The following SYN2 variants were observed in gnomAD, a reference collection of about 807,000 sequenced individuals.
SYN2 encodes the protein synapsin-2.
Under a neutral mutation model 50.9 loss-of-function variants are expected in SYN2, and 19 were observed. The ratio of observed to expected loss-of-function variants is 0.37; its 90% CI spans 0.26 to 0.55. The LOEUF is 0.55. SYN2 is among the 20% of genes least tolerant of loss of function. The probability of loss-of-function intolerance (pLI) is 0.81; values close to 1 mark genes in which losing one functional copy is unlikely to be tolerated. For missense variants in SYN2, 587 were observed against 576.4 expected (o/e 1.02, Z -0.19); for synonymous variants, 255 against 224.9 (o/e 1.13, Z -1.20).
chr3:12,159,522 C>A (rs1282278167), intron 5 of SYN2, among the ~76,000 whole-genome samples: 8 of 152,074 alleles, frequency 5.3e-5, no homozygotes, highest in African/African-American at 1.9e-4. Flanking sequence ...GGAGAGATGT[C>A]AAAGAAGCAG....
chr3:12,099,361 G>A (rs1696016839), intron 1 of SYN2, among the ~76,000 whole-genome samples: 1 of 152,078 alleles, frequency 6.6e-6, no homozygotes, highest in Non-Finnish European at 1.5e-5. Context: ...TACAAAATAT[G>A]TTCTCCAACT....
intron 1 of SYN2, among the ~76,000 whole-genome samples, chr3:12,043,736 G>A (rs982494133): frequency 6.6e-6 from 1 of 152,120 alleles, no homozygotes; most frequent in Non-Finnish European, 1.5e-5. Context: ...TCAAAGGAGG[G>A]CCAGACATAT....
At chr3:12,114,434 T>G (rs1428302901) in intron 1 of SYN2, among the ~76,000 whole-genome samples, 1 of 152,092 alleles carries the variant, frequency 6.6e-6, no homozygotes, top group Non-Finnish European at 1.5e-5. Flanking sequence ...ATGCCCAGAG[T>G]TTTTACTCTT....
At chr3:12,028,291 T>C (rs1363964903) in intron 1 of SYN2, among the ~76,000 whole-genome samples, 1 of 151,834 alleles carries the variant, frequency 6.6e-6, no homozygotes, top group African/African-American at 2.4e-5. Flanking sequence ...GACATTTCGG[T>C]TGGTTCCAAG....
At chr3:12,009,849 C>T (rs1693879094) in intron 1 of SYN2, among the ~76,000 whole-genome samples, 1 of 152,132 alleles carries the variant, frequency 6.6e-6, no homozygotes, top group African/African-American at 2.4e-5. Context: ...GCCTGTAATC[C>T]TAGCACTTTG....
intron 1 of SYN2, among the ~76,000 whole-genome samples, chr3:12,013,366 C>T (rs1693956282): frequency 6.6e-6 from 1 of 152,160 alleles, no homozygotes; most frequent in Non-Finnish European, 1.5e-5. Context: ...TCCTCCGGGC[C>T]CCCTTTTCCT....
At chr3:12,090,197 C>A (rs139621598) in intron 1 of SYN2, among the ~76,000 whole-genome samples, 9 of 152,206 alleles carry the variant, frequency 5.9e-5, no homozygotes, top group Non-Finnish European at 1.0e-4. Context: ...CTTAAGAAAT[C>A]CACACCCAGA....
At chr3:12,066,894 C>T (rs1342874251) in intron 1 of SYN2, among the ~76,000 whole-genome samples, 1 of 152,106 alleles carries the variant, frequency 6.6e-6, no homozygotes, top group Non-Finnish European at 1.5e-5. Flanking sequence ...CACTTCTCGG[C>T]CTTTTGACTA....
chr3:12,118,142 G>A (rs1241549392), intron 1 of SYN2, among the ~76,000 whole-genome samples: 2 of 152,224 alleles, frequency 1.3e-5, no homozygotes, highest in African/African-American at 4.8e-5. Context: ...ATGAGCAAAT[G>A]TACCTCTTTT....
chr3:12,169,944 C>T (rs1203123055), intron 10 of SYN2, 38 bp downstream of exon 10: 5 of 1,565,486 alleles, frequency 3.2e-6, no homozygotes, highest in Non-Finnish European at 3.5e-6. Context: ...AGCCAAGAAC[C>T]ATTCCCAAGC....
At chr3:12,186,632 G>T (rs1304784704) in intron 11 of SYN2, among the ~76,000 whole-genome samples, 1 of 152,198 alleles carries the variant, frequency 6.6e-6, no homozygotes, top group African/African-American at 2.4e-5. Flanking sequence ...ATTTCTCCTG[G>T]TTGTGGGCAT....
chr3:12,057,321 G>GTGTGTGTGTGTGTGTA (rs1215713756), intron 1 of SYN2, among the ~76,000 whole-genome samples: 10 of 150,098 alleles, frequency 6.7e-5, no homozygotes, highest in African/African-American at 2.4e-4. Context: ...GTGTGTGTGT[G>GTGTGTGTGTGTGTGTA]TGTATACTTT....
intron 1 of SYN2, among the ~76,000 whole-genome samples, chr3:12,026,414 T>A (rs932494886): frequency 1.3e-5 from 2 of 151,798 alleles, no homozygotes; most frequent in Non-Finnish European, 2.9e-5. Context: ...TTTAAAAAAA[T>A]ATATATACAA....
chr3:12,189,038 G>C (rs568159496), intron 12 of SYN2, among the ~76,000 whole-genome samples: 24 of 152,340 alleles, frequency 1.6e-4, no homozygotes, highest in African/African-American at 4.8e-4. Flanking sequence ...CTCGTTCCCA[G>C]CCCTAATGAA....
intron 4 of SYN2, among the ~76,000 whole-genome samples, chr3:12,146,213 C>T (rs1019982965): frequency 1.3e-5 from 2 of 152,214 alleles, no homozygotes; most frequent in Admixed American, 1.3e-4. Flanking sequence ...TTTCTTGCCT[C>T]CTAGAATGAT....
At chr3:12,118,350 G>A (rs1031275303) in intron 1 of SYN2, among the ~76,000 whole-genome samples, 1 of 152,160 alleles carries the variant, frequency 6.6e-6, no homozygotes, top group African/African-American at 2.4e-5. Flanking sequence ...GATTGCTAGA[G>A]CCCAGAGTTT....
chr3:12,126,062 G>C (rs1319709951), intron 1 of SYN2, among the ~76,000 whole-genome samples: 1 of 152,184 alleles, frequency 6.6e-6, no homozygotes, highest in Non-Finnish European at 1.5e-5. Context: ...ACACATAAGG[G>C]GAAAGCTACT....
At chr3:12,089,932 C>A (rs752043599) in intron 1 of SYN2, among the ~76,000 whole-genome samples, 1 of 152,092 alleles carries the variant, frequency 6.6e-6, no homozygotes, top group Non-Finnish European at 1.5e-5. Context: ...TGGACAGTCA[C>A]TTGTAGTGCT....
At chr3:12,157,332 C>T in intron 5 of SYN2, 1 of 1,559,822 alleles carries the variant, frequency 6.4e-7, no homozygotes, top group Non-Finnish European at 8.8e-7. Flanking sequence ...AACACAGACT[C>T]CACTTTCTCC....
Sources: gnomAD v4.1 joint callset for allele counts (sites outside exome capture counted in the v4.1 genomes callset) on GRCh38, gnomAD v4.1.1 for gene constraint, MANE v1.5 for transcripts, NCBI Gene and HGNC (gene_info 2026-07-23, HGNC 2026-07-21) for gene names.